FHIT: variants seen among roughly 807,000 people sequenced by gnomAD.
FHIT encodes the protein bis(5'-adenosyl)-triphosphatase.
In FHIT, 19 loss-of-function variants were observed where a neutral mutation model predicts 17.9. That is an observed-to-expected ratio of 1.06 (90% CI 0.74 to 1.56). The LOEUF is 1.56. Ranked by LOEUF, FHIT falls within the 40% of genes most tolerant of loss-of-function variation. The pLI is 0.00. For synonymous variants in FHIT, 81 were observed against 69.7 expected, an observed-to-expected ratio of 1.16 and a Z score of -0.81; for missense variants, 248 against 189.2, an observed-to-expected ratio of 1.31 and a Z score of -1.82.
At chr3:60,167,838 C>G (rs1004739631) in intron 5 of FHIT, among the ~76,000 whole-genome samples, 7 of 152,088 alleles carry the variant, frequency 4.6e-5, no homozygotes, top group Non-Finnish European at 8.8e-5. Flanking sequence ...TGAAACCAGC[C>G]TGGGCATCAC....
chr3:59,794,851 T>G (rs1306744974), intron 8 of FHIT, among the ~76,000 whole-genome samples: 1 of 152,230 alleles, frequency 6.6e-6, no homozygotes, highest in Non-Finnish European at 1.5e-5. Context: ...TTTGACAGTA[T>G]GAGGGAAGGC....
intron 5 of FHIT, among the ~76,000 whole-genome samples, chr3:60,336,818 G>C (rs939853245): frequency 6.6e-6 from 1 of 151,208 alleles, no homozygotes; most frequent in Non-Finnish European, 1.5e-5. Context: ...AAATAGGGCA[G>C]AGGAAGGCAT....
At chr3:60,629,071 G>C (rs565967424) in intron 4 of FHIT, among the ~76,000 whole-genome samples, 1 of 152,110 alleles carries the variant, frequency 6.6e-6, no homozygotes, top group Non-Finnish European at 1.5e-5. Flanking sequence ...GTTGGGGGTA[G>C]GTGGAAGAAG....
chr3:60,467,519 G>A (rs140201339), intron 5 of FHIT, among the ~76,000 whole-genome samples: 318 of 151,810 alleles, frequency 2.1e-3, no homozygotes, highest in African/African-American at 7.1e-3. Flanking sequence ...GATACATTGC[G>A]TTTCCATTTT....
chr3:60,347,483 G>A (rs1400214195), intron 5 of FHIT, among the ~76,000 whole-genome samples: 1 of 152,028 alleles, frequency 6.6e-6, no homozygotes, highest in African/African-American at 2.4e-5. Flanking sequence ...GTGCTGGGGG[G>A]ACGATTACTC....
At chr3:60,462,830 A>G (rs73833907) in intron 5 of FHIT, among the ~76,000 whole-genome samples, 6,399 of 152,160 alleles carry the variant, frequency 0.042, 426 homozygotes, top group African/African-American at 0.14. Flanking sequence ...TTGTGAGTCC[A>G]AAAGACTTTT....
intron 8 of FHIT, among the ~76,000 whole-genome samples, chr3:59,869,575 G>A (rs1452246419): frequency 1.4e-5 from 2 of 143,254 alleles, no homozygotes; most frequent in African/African-American, 2.6e-5. Flanking sequence ...TCTGCCTCCC[G>A]GGTTCACGCC....
rs758086023 is a variant in FHIT at position 60,390,586 on chromosome 3, T to C, written c.103+146274A>G. Among the ~76,000 whole-genome samples, 5 of 152,162 alleles carry C rather than the reference T, an allele frequency of 3.3e-5. No homozygotes were observed. In the South Asian group the frequency reaches 8.3e-4, roughly 25 times the overall value. ...GCGTTGTTATCACAGAAGATGACAG[T>C]TCCATGCCTGTTACTGTCCCTAAAG... On this transcript the variant is annotated intron_variant, in intron 5 of 9. Transcript: ENST00000492590.
At chr3:60,847,022 C>G (rs887512912) in intron 3 of FHIT, among the ~76,000 whole-genome samples, 5 of 152,106 alleles carry the variant, frequency 3.3e-5, no homozygotes, top group African/African-American at 1.2e-4. Flanking sequence ...CAAGGTTTCA[C>G]CATATTGGCC....
intron 5 of FHIT, among the ~76,000 whole-genome samples, chr3:60,392,242 T>C (rs1010623820): frequency 2.0e-5 from 3 of 152,204 alleles, no homozygotes; most frequent in South Asian, 4.1e-4. Context: ...ACATGAATTC[T>C]GCTAATGTTG....
rs1575667392 is a variant in FHIT at position 60,903,863 on chromosome 3, A to G, written c.-110-81852T>C. On this transcript the variant is annotated intron_variant, in intron 3 of 9. Transcript: ENST00000492590. ...GGTTTTTCTAGCCTATATCCTCTGG[A>G]GGATAAATACCCAAAATAGTACTGT... is the stretch of plus-strand genomic sequence containing the variant. 2.6e-5 allele frequency among the ~76,000 whole-genome samples: 4 copies of G among 152,306 alleles called. 1 individual carries two copies. In the South Asian group the frequency reaches 8.3e-4, roughly 32 times the overall value.
Position 60,162,077 on chromosome 3 carries a change from G to C in FHIT, c.104-147925C>G, listed in dbSNP as rs960750112. ...GGGAAATGTTAGAAAAGTATGGAAA[G>C]CCCTAGAAATTTCAAAAGTCCAGCT... On this transcript the variant is annotated intron_variant, in intron 5 of 9. Transcript: ENST00000492590. Among the ~76,000 whole-genome samples, 4 of 152,150 alleles carry C rather than the reference G, an allele frequency of 2.6e-5. No individual in the cohort carries two copies. In the South Asian group the frequency reaches 6.2e-4, roughly 24 times the overall value.
At chr3:61,034,118 A>G (rs2033133500) in intron 3 of FHIT, among the ~76,000 whole-genome samples, 1 of 152,190 alleles carries the variant, frequency 6.6e-6, no homozygotes, top group Non-Finnish European at 1.5e-5. Context: ...AATTAACCCA[A>G]AATGGAGCAA....
chr3:60,494,444 C>A (rs1269063613), intron 5 of FHIT, among the ~76,000 whole-genome samples: 1 of 151,994 alleles, frequency 6.6e-6, no homozygotes, highest in South Asian at 2.1e-4. Context: ...TCCATCCCCT[C>A]AAGCATTTAT....
intron 4 of FHIT, among the ~76,000 whole-genome samples, chr3:60,677,099 A>G (rs2040638088): frequency 6.6e-6 from 1 of 151,668 alleles, no homozygotes; most frequent in African/African-American, 2.4e-5. Context: ...CTAGTCTCCA[A>G]CTCCTGGGCT....
intron 5 of FHIT, among the ~76,000 whole-genome samples, chr3:60,523,942 T>C (rs956764396): frequency 6.6e-6 from 1 of 152,232 alleles, no homozygotes; most frequent in African/African-American, 2.4e-5. Context: ...ATGTTAACCA[T>C]TGCAGTATAC....
intron 4 of FHIT, among the ~76,000 whole-genome samples, chr3:60,652,815 CAGG>C (rs1553688635): frequency 6.6e-6 from 1 of 150,904 alleles, no homozygotes; most frequent in Non-Finnish European, 1.5e-5. Context: ...GAGGCTGAGG[CAGG>C]AGAATTGCTT....
At chr3:60,528,277 A>C (rs914468427) in intron 5 of FHIT, among the ~76,000 whole-genome samples, 4 of 152,204 alleles carry the variant, frequency 2.6e-5, no homozygotes, top group African/African-American at 9.7e-5. Flanking sequence ...GTGTGAAACA[A>C]AATATTGACT....
intron 5 of FHIT, among the ~76,000 whole-genome samples, chr3:60,214,991 G>T (rs1027024588): frequency 6.6e-6 from 1 of 151,932 alleles, no homozygotes; most frequent in African/African-American, 2.4e-5. Context: ...ACAAAGATGG[G>T]AACAAGAGAC....
Sources: gnomAD v4.1 joint callset for allele counts (sites outside exome capture counted in the v4.1 genomes callset) on GRCh38, gnomAD v4.1.1 for gene constraint, MANE v1.5 for transcripts, NCBI Gene and HGNC (gene_info 2026-07-23, HGNC 2026-07-21) for gene names.